EPHA6: variants seen among roughly 807,000 people sequenced by gnomAD.
EPHA6 encodes EPH receptor A6.
EPHA6 carries 50 observed loss-of-function variants against 112.0 expected under a neutral mutation model. That is an observed-to-expected ratio of 0.45 (90% CI 0.36 to 0.56). The LOEUF (loss-of-function observed/expected upper bound fraction) is 0.56, where lower values mean the gene tolerates loss of function less well. Among genes scored for constraint, EPHA6 ranks in the 20% least tolerant of loss-of-function variants. EPHA6 has a pLI of 0.00. For synonymous variants in EPHA6, 529 were observed against 490.7 expected (o/e 1.08, Z -1.03); for missense variants, 1,280 against 1,417.4 (o/e 0.90, Z 1.56).
chr3:96,942,327 C>T (rs1321779663), intron 2 of EPHA6, among the ~76,000 whole-genome samples: 4 of 152,202 alleles, frequency 2.6e-5, no homozygotes, highest in Non-Finnish European at 5.9e-5. Context: ...GGCACCCCTC[C>T]CCCAGCCTTG....
chr3:97,275,630 T>C (rs2080047253), intron 5 of EPHA6, among the ~76,000 whole-genome samples: 1 of 151,910 alleles, frequency 6.6e-6, no homozygotes, highest in South Asian at 2.1e-4. Flanking sequence ...AATGGGGGAA[T>C]TGTAAGGAGA....
intron 3 of EPHA6, among the ~76,000 whole-genome samples, chr3:97,055,101 A>T (rs1178429160): frequency 6.6e-6 from 1 of 152,160 alleles, no homozygotes; most frequent in African/African-American, 2.4e-5. Flanking sequence ...AAAAGCACCA[A>T]ATCAGAGATA....
chr3:96,999,065 A>G (rs2043531593), intron 3 of EPHA6, among the ~76,000 whole-genome samples: 2 of 151,976 alleles, frequency 1.3e-5, no homozygotes, highest in Admixed American at 1.3e-4. Flanking sequence ...GATATATTTT[A>G]AGGTCCCATT....
chr3:97,361,291 T>A (rs2084357600), intron 5 of EPHA6, among the ~76,000 whole-genome samples: 1 of 152,142 alleles, frequency 6.6e-6, no homozygotes. Flanking sequence ...CCCAAAGTAA[T>A]CTTGATCTAA....
At position 97,512,907 on chromosome 3, in the gene EPHA6, C is replaced by CT. The variant is rs954585465; in HGVS notation, c.2201-19443dup. Among the ~76,000 whole-genome samples the CT allele has an allele frequency of 1.1e-4, 16 of 152,008 alleles. No homozygotes were observed. In the East Asian group the frequency reaches 2.1e-3, roughly 20 times the overall value. ...ATTTCCTGACTAAATTCCAAAATGT[C>CT]TTTTTTTTGCTAGTGCAGACATTCT... On this transcript the variant is annotated intron_variant, in intron 10 of 17. Coordinates refer to ENST00000389672, the MANE Select transcript of EPHA6 (RefSeq NM_001080448.3).
At chr3:96,945,579 T>A (rs2041212011) in intron 2 of EPHA6, among the ~76,000 whole-genome samples, 1 of 152,230 alleles carries the variant, frequency 6.6e-6, no homozygotes, top group African/African-American at 2.4e-5. Context: ...AGTTTTCTCA[T>A]CTGTAAAATA....
At chr3:97,394,731 C>T (rs1475230996) in intron 5 of EPHA6, among the ~76,000 whole-genome samples, 1 of 151,526 alleles carries the variant, frequency 6.6e-6, no homozygotes, top group Non-Finnish European at 1.5e-5. Flanking sequence ...TGAGATATTA[C>T]CTCACCCAAG....
chr3:97,276,824 G>C (rs901898269), intron 5 of EPHA6, among the ~76,000 whole-genome samples: 3 of 152,144 alleles, frequency 2.0e-5, no homozygotes, highest in African/African-American at 7.2e-5. Flanking sequence ...AACTGATTTG[G>C]GAGAGGTGGG....
intron 3 of EPHA6, among the ~76,000 whole-genome samples, chr3:97,096,408 T>C (rs2047240186): frequency 1.3e-5 from 2 of 152,050 alleles, no homozygotes; most frequent in East Asian, 1.9e-4. Context: ...TATAGCTATA[T>C]ATTTTAAATC....
chr3:97,128,181 G>T (rs1309253772), intron 3 of EPHA6, among the ~76,000 whole-genome samples: 1 of 152,092 alleles, frequency 6.6e-6, no homozygotes, highest in Non-Finnish European at 1.5e-5. Flanking sequence ...TGCTGCAAAA[G>T]GCATGATTTT....
At chr3:97,000,910 C>T (rs1038014068) in intron 3 of EPHA6, among the ~76,000 whole-genome samples, 1 of 150,814 alleles carries the variant, frequency 6.6e-6, no homozygotes, top group Non-Finnish European at 1.5e-5. Flanking sequence ...CATTTCTTTA[C>T]AGCCTTCCTA....
At chr3:97,220,487 A>G (rs965620487) in intron 3 of EPHA6, among the ~76,000 whole-genome samples, 2 of 152,234 alleles carry the variant, frequency 1.3e-5, no homozygotes, top group African/African-American at 4.8e-5. Context: ...CACCAGTTTA[A>G]CATGTCTGGA....
intron 3 of EPHA6, among the ~76,000 whole-genome samples, chr3:97,090,406 C>T (rs1296090946): frequency 1.3e-5 from 2 of 151,816 alleles, no homozygotes; most frequent in African/African-American, 2.4e-5. Flanking sequence ...TTTTCTCCTG[C>T]GGGCATTGCA....
intron 3 of EPHA6, among the ~76,000 whole-genome samples, chr3:97,078,676 G>A (rs889033990): frequency 6.6e-6 from 1 of 152,048 alleles, no homozygotes. Flanking sequence ...TCTTGTTTTT[G>A]TCGGGTTTGT....
intron 3 of EPHA6, among the ~76,000 whole-genome samples, chr3:97,114,200 C>T (rs908190675): frequency 6.6e-6 from 1 of 152,086 alleles, no homozygotes; most frequent in Non-Finnish European, 1.5e-5. Flanking sequence ...ATGCTAACCA[C>T]ATTTAGGAGA....
intron 6 of EPHA6, among the ~76,000 whole-genome samples, chr3:97,447,263 T>G (rs2107312608): frequency 6.6e-6 from 1 of 152,290 alleles, no homozygotes; most frequent in East Asian, 1.9e-4. Context: ...TGACCTATTC[T>G]CCATATGTGT....
At chr3:97,396,740 C>G (rs1422810741) in intron 5 of EPHA6, among the ~76,000 whole-genome samples, 1 of 151,576 alleles carries the variant, frequency 6.6e-6, no homozygotes, top group East Asian at 1.9e-4. Context: ...AAGACAGTCT[C>G]CATTCCATTG....
At chr3:97,205,253 A>C (rs927315957) in intron 3 of EPHA6, among the ~76,000 whole-genome samples, 2 of 152,128 alleles carry the variant, frequency 1.3e-5, no homozygotes, top group Admixed American at 6.6e-5. Context: ...TTTAGGTAAG[A>C]TCTAAATAGA....
chr3:97,724,484 C>T (rs2034667572), intron 15 of EPHA6, among the ~76,000 whole-genome samples: 1 of 152,100 alleles, frequency 6.6e-6, no homozygotes, highest in Admixed American at 6.6e-5. Flanking sequence ...ATCCAGTTCT[C>T]AGTAGGCCAA....
Sources: gnomAD v4.1 joint callset for allele counts (sites outside exome capture counted in the v4.1 genomes callset) on GRCh38, gnomAD v4.1.1 for gene constraint, MANE v1.5 for transcripts, NCBI Gene and HGNC (gene_info 2026-07-23, HGNC 2026-07-21) for gene names.